TRIB2: variants seen among roughly 807,000 people sequenced by gnomAD.
TRIB2 encodes tribbles pseudokinase 2.
A neutral mutation model predicts 26.8 loss-of-function variants in TRIB2; 2 were observed. The ratio of observed to expected loss-of-function variants is 0.07; its 90% CI spans 0.03 to 0.24. The LOEUF is 0.24. TRIB2 is among the 10% of genes least tolerant of loss of function. The pLI, the probability that TRIB2 is intolerant of heterozygous loss-of-function variation, is 1.00. For missense variants in TRIB2, 306 were observed against 449.0 expected (o/e 0.68, Z 2.88); for synonymous variants, 189 against 187.3 (o/e 1.01, Z -0.08).
At chr2:12,725,107 C>T (rs937405395) in intron 2 of TRIB2, among the ~76,000 whole-genome samples, 8 of 152,226 alleles carry the variant, frequency 5.3e-5, no homozygotes, top group Admixed American at 3.9e-4. Flanking sequence ...GCCACATTCA[C>T]TAGTAAGTCA....
At chr2:12,733,436 T>C (rs939698165) in intron 2 of TRIB2, among the ~76,000 whole-genome samples, 1 of 152,196 alleles carries the variant, frequency 6.6e-6, no homozygotes, top group Admixed American at 6.5e-5. Flanking sequence ...GAAAGGACAA[T>C]GGCGTTAGAG....
rs553722219 is a variant in TRIB2 at position 12,719,897 on chromosome 2, C to A, written c.270+1320C>A. Among the ~76,000 whole-genome samples, 100 of 152,334 alleles carry A rather than the reference C, an allele frequency of 6.6e-4. 1 individual carries two copies. Among genetic ancestry groups the A allele is most frequent in the African/African-American group, 2.3e-3 (96 of 41,572 alleles). On this transcript the variant is annotated intron_variant, in intron 1 of 2. Transcript: ENST00000155926. ...TCTAAGTTATTGAGACCCAGAGCAA[C>A]TGTGCCCAGTTAACCAAAATTCAGT... is the stretch of plus-strand genomic sequence containing the variant.
At chr2:12,729,236 G>A (rs577501072) in intron 2 of TRIB2, among the ~76,000 whole-genome samples, 2 of 152,324 alleles carry the variant, frequency 1.3e-5, no homozygotes, top group African/African-American at 2.4e-5. Flanking sequence ...TGGCCCGTGT[G>A]TGCATCTGTA....
At chr2:12,736,762 G>C (rs753106780) in intron 2 of TRIB2, among the ~76,000 whole-genome samples, 1 of 152,196 alleles carries the variant, frequency 6.6e-6, no homozygotes, top group Non-Finnish European at 1.5e-5. Context: ...CATGCCCATG[G>C]GCTCTTGGAG....
At chr2:12,722,804 TATA>T (rs1661253249) in intron 1 of TRIB2, among the ~76,000 whole-genome samples, 1 of 152,224 alleles carries the variant, frequency 6.6e-6, no homozygotes, top group South Asian at 2.1e-4. Context: ...TCATGTGTTG[TATA>T]ATGCCTGTTT....
Position 12,717,199 on chromosome 2 carries a change from G to A in TRIB2, c.-1109G>A, listed in dbSNP as rs1666610377. 1 of 395,320 alleles carries A rather than the reference G, an allele frequency of 2.5e-6. No homozygotes were observed. Among genetic ancestry groups the A allele is most frequent in the South Asian group, 1.4e-4 (1 of 6,988 alleles). 24.5% of individuals were successfully genotyped at this position (395,320 alleles called of 1,614,324 possible). ...AATTTTCTCCAAAACAAACCCCACC[G>A]GGCAATTTGGTCTCGGGGTAGGGGG... On this transcript the variant is annotated 5_prime_UTR_variant, in exon 1 of 3. Transcript: ENST00000155926. This position sits in a 1 kb window ranked among gnomAD's most constrained non-coding sequence, Gnocchi z 4.8.
At chr2:12,728,022 C>G (rs986695586) in intron 2 of TRIB2, among the ~76,000 whole-genome samples, 2 of 152,170 alleles carry the variant, frequency 1.3e-5, no homozygotes, top group African/African-American at 4.8e-5. Flanking sequence ...CATTTTAATT[C>G]ATGGGAAGGC....
chr2:12,737,852 T>C (rs1315795012), intron 2 of TRIB2, among the ~76,000 whole-genome samples: 1 of 152,178 alleles, frequency 6.6e-6, no homozygotes, highest in Non-Finnish European at 1.5e-5. Flanking sequence ...TTTTACTACA[T>C]AATTTTTTTT....
chr2:12,735,848 A>G (rs1489243894), intron 2 of TRIB2, among the ~76,000 whole-genome samples: 1 of 152,136 alleles, frequency 6.6e-6, no homozygotes, highest in East Asian at 1.9e-4. Flanking sequence ...CAGCCTCTGA[A>G]GGAAAGGAGC....
Position 12,717,454 on chromosome 2 carries a change from G to C in TRIB2, c.-854G>C, listed in dbSNP as rs1469810306. ...CCTGGGGCGCGAGCGAGCGGCGACA[G>C]CATGAGCCTGTGCTGACCTCCGCGC... On this transcript the variant is annotated 5_prime_UTR_variant, in exon 1 of 3. Coordinates refer to ENST00000155926, the MANE Select transcript of TRIB2 (RefSeq NM_021643.4). This position sits in a 1 kb window ranked among gnomAD's most constrained non-coding sequence, Gnocchi z 4.8. 7.5e-6 allele frequency: 3 copies of C among 398,420 alleles called. No homozygotes were observed. Among genetic ancestry groups the C allele is most frequent in the Non-Finnish European group, 1.3e-5 (3 of 226,008 alleles). The allele number at this position is 398,420 out of a possible 1,614,324, so 24.7% of individuals were successfully genotyped here. A position where few individuals can be genotyped will look rare whatever the true frequency, so the allele number is the denominator to read the frequency against.
At chr2:12,737,038 G>A (rs747972461) in intron 2 of TRIB2, among the ~76,000 whole-genome samples, 1 of 152,150 alleles carries the variant, frequency 6.6e-6, no homozygotes, top group Non-Finnish European at 1.5e-5. Context: ...GGCATGTGAG[G>A]AACAGCAAAC....
rs535207032 is a variant in TRIB2, at chr2:12,741,272, TA to T, written c.*488del. 562 of 154,354 alleles carry T rather than the reference TA, an allele frequency of 3.6e-3. 6 individuals carry two copies. The highest frequency in any genetic ancestry group is 0.012 in the African/African-American group (499 of 41,118). The allele number at this position is 154,354 out of a possible 1,614,324, so 9.6% of individuals were successfully genotyped here. A position where few individuals can be genotyped will look rare whatever the true frequency, so the allele number is the denominator to read the frequency against. On this transcript the variant is annotated 3_prime_UTR_variant, in exon 3 of 3. Transcript: ENST00000155926. ...TAGCTGGTAATTAATGAGGTTCACT[TA>T]AAAAAAAAATTCGGTGCACACAGAC...
intron 2 of TRIB2, among the ~76,000 whole-genome samples, chr2:12,731,156 G>A (rs1213427511): frequency 6.6e-6 from 1 of 152,222 alleles, no homozygotes; most frequent in Admixed American, 6.5e-5. Context: ...CAACAGTGGA[G>A]TACGGTGTGG....
At chr2:12,727,862 G>T (rs1386876072) in intron 2 of TRIB2, among the ~76,000 whole-genome samples, 1 of 152,128 alleles carries the variant, frequency 6.6e-6, no homozygotes, top group Non-Finnish European at 1.5e-5. Context: ...CACCCTGCTG[G>T]TTATGGCTCA....
chr2:12,739,269 T>C (rs1378779557), intron 2 of TRIB2, among the ~76,000 whole-genome samples: 2 of 152,092 alleles, frequency 1.3e-5, no homozygotes, highest in African/African-American at 2.4e-5. Context: ...GGTTTTGTTT[T>C]TCTTTTTTGA....
intron 2 of TRIB2, among the ~76,000 whole-genome samples, chr2:12,733,829 A>T (rs1661511039): frequency 6.6e-6 from 1 of 152,024 alleles, no homozygotes; most frequent in Admixed American, 6.5e-5. Flanking sequence ...CCACACTGGT[A>T]GTTCAACTTA....
rs146493595 is a variant in TRIB2, at chr2:12,720,525, C to G, written c.270+1948C>G. Among the ~76,000 whole-genome samples, 653 of 152,300 alleles carry G rather than the reference C, an allele frequency of 4.3e-3. 5 individuals carry two copies. The highest frequency in any genetic ancestry group is 0.015 in the African/African-American group (620 of 41,564). On this transcript the variant is annotated intron_variant, in intron 1 of 2. Coordinates refer to ENST00000155926, the MANE Select transcript of TRIB2 (RefSeq NM_021643.4). ...AAGAGAGTTTTATAAGGCTGCTTCT[C>G]TGAACTGCCCTGAGAGATATATATG...
Position 12,740,391 on chromosome 2 carries a change from C to T in TRIB2, c.629C>T (p.Ser210Phe), listed in dbSNP as rs374686543. 19 of 1,614,050 alleles carry T rather than the reference C, an allele frequency of 1.2e-5. No homozygotes were observed. Among genetic ancestry groups the T allele is most frequent in the Non-Finnish European group, 1.5e-5 (18 of 1,180,040 alleles). ...YILRGDDDSL[S>F]DKHGCPAYVS... ...CTGCGGGGAGATGATGATTCCCTCT[C>T]CGACAAGCATGGCTGCCCGGCTTAC... The change falls in exon 3 of 3, where the codon TCC becomes TTC. Residue 210 changes from serine (S) to phenylalanine (F), a missense_variant. Ser to Phe is a radical substitution (Grantham distance 155, BLOSUM62 -2). Transcript: ENST00000155926. The surrounding 1 kb of genome is among the most constrained non-coding windows in gnomAD (Gnocchi z 5.8).
intron 2 of TRIB2, among the ~76,000 whole-genome samples, chr2:12,727,793 A>T (rs909142513): frequency 1.3e-5 from 2 of 152,146 alleles, no homozygotes; most frequent in African/African-American, 4.8e-5. Flanking sequence ...ACCTGGCCAC[A>T]CCCTGTGCAT....
Sources: gnomAD v4.1 joint callset for allele counts (sites outside exome capture counted in the v4.1 genomes callset) on GRCh38, gnomAD v4.1.1 for gene constraint, Gnocchi (gnomAD v3.1) non-coding constraint, MANE v1.5 for transcripts, NCBI Gene and HGNC (gene_info 2026-07-23, HGNC 2026-07-21) for gene names.